The following MYOF variants were observed in gnomAD, a reference collection of about 807,000 sequenced individuals.
MYOF encodes fer-1-like 3, myoferlin.
Under a neutral mutation model 284.2 loss-of-function variants are expected in MYOF, and 244 were observed. The observed-to-expected ratio is 0.86, with a 90% confidence interval of 0.77 to 0.95. The LOEUF (loss-of-function observed/expected upper bound fraction) is 0.95, where lower values mean the gene tolerates loss of function less well. Ranked by LOEUF, MYOF falls within the 40% of genes least tolerant of loss-of-function variation. The probability of loss-of-function intolerance (pLI) is 0.00; values close to 1 mark genes in which losing one functional copy is unlikely to be tolerated. For synonymous variants in MYOF, 904 were observed against 919.7 expected (o/e 0.98, Z 0.31); for missense variants, 2,496 against 2,560.6 (o/e 0.97, Z 0.54).
chr10:93,393,139 A>G (rs573785987), intron 16 of MYOF, among the ~76,000 whole-genome samples, 184 bp from the exon 17 acceptor site: 1 of 152,202 alleles, frequency 6.6e-6, no homozygotes, highest in Non-Finnish European at 1.5e-5. Context: ...GTTAAATGCA[A>G]AATGACCCGG....
In MYOF at chr10:93,456,793, C is replaced by T. The variant is rs139467404; in HGVS notation, c.144+89G>A. On this transcript the variant is annotated intron_variant, in intron 2 of 53. Transcript: ENST00000359263. ...GGGTGAAATGTAGAGATTCTCCTTCCGAAGGGAAGAGGTAACCTCTCACCC... is the reference window on the plus strand; with the variant it reads ...GGGTGAAATGTAGAGATTCTCCTTCTGAAGGGAAGAGGTAACCTCTCACCC... 151 of 955,004 alleles carry T rather than the reference C, an allele frequency of 1.6e-4. No individual in the cohort carries two copies. In the African/African-American group the frequency reaches 2.0e-3, roughly 13 times the overall value. 59.2% of individuals were successfully genotyped at this position (955,004 alleles called of 1,614,324 possible).
chr10:93,386,381 C>A (rs1846366073), intron 19 of MYOF, among the ~76,000 whole-genome samples: 1 of 152,154 alleles, frequency 6.6e-6, no homozygotes, highest in Admixed American at 6.5e-5. Context: ...ATGACCAGGA[C>A]CTTATTGACT....
At chr10:93,307,814 A>G (rs975678454) in intron 53 of MYOF, among the ~76,000 whole-genome samples, 1 of 150,126 alleles carries the variant, frequency 6.7e-6, no homozygotes, top group African/African-American at 2.4e-5. Context: ...TAGTAGAGAC[A>G]GGGTTTCACC....
intron 7 of MYOF, among the ~76,000 whole-genome samples, chr10:93,407,903 C>T (rs1173286038): frequency 6.6e-6 from 1 of 152,070 alleles, no homozygotes; most frequent in Non-Finnish European, 1.5e-5. Flanking sequence ...CAGAGACACC[C>T]TGCTAATTAG....
chr10:93,325,417 A>G (rs938764683), intron 46 of MYOF, among the ~76,000 whole-genome samples: 5 of 152,176 alleles, frequency 3.3e-5, no homozygotes, highest in African/African-American at 1.2e-4. Flanking sequence ...CAGTGGTCCC[A>G]TGGTGGGCAA....
At chr10:93,381,959 C>T (rs993683277) in intron 19 of MYOF, among the ~76,000 whole-genome samples, 1 of 152,172 alleles carries the variant, frequency 6.6e-6, no homozygotes, top group Admixed American at 6.5e-5. Context: ...ATCTCTTGAA[C>T]TCAGGAGGTA....
chr10:93,389,161 G>C lies in MYOF; in HGVS notation c.1457-7C>G, dbSNP rs779175724. ...TCTGTTTCTCCTGTGTTTACTGAGA[G>C]AGAAACATCATCATGAGGTGTTAGG... On this transcript the variant is annotated splice_region_variant and splice_polypyrimidine_tract_variant and intron_variant, in intron 17 of 53. Coordinates refer to ENST00000359263, the MANE Select transcript of MYOF (RefSeq NM_013451.4). 1.2e-5 allele frequency: 20 copies of C among 1,611,920 alleles called. No homozygotes were observed. The Admixed American group carries it at 1.7e-4, about 14-fold the overall frequency.
chr10:93,416,232 C>G (rs1005532206), intron 5 of MYOF, among the ~76,000 whole-genome samples: 2 of 152,220 alleles, frequency 1.3e-5, no homozygotes, highest in African/African-American at 4.8e-5. Context: ...AAAGAAACTT[C>G]TCTCGGCCGG....
Position 93,404,092 on chromosome 10 carries a change from G to T in MYOF, c.793-19C>A. The T allele has an allele frequency of 6.2e-7, 1 of 1,614,082 alleles. No individual in the cohort carries two copies. The highest frequency in any genetic ancestry group is 1.3e-5 in the African/African-American group (1 of 75,050). On this transcript the variant is annotated intron_variant, in intron 8 of 53. Transcript: ENST00000359263. The stretch of plus-strand genomic sequence containing the variant: ...TATAAACCTGGAAGAAAGAAGAGTA[G>T]TGAAGAAATGATTGGCTTTGCCTGG...
At chr10:93,337,990 T>C (rs1843698647) in intron 39 of MYOF, 77 bp from the exon 40 acceptor site, 10 of 1,073,698 alleles carry the variant, frequency 9.3e-6, no homozygotes, top group Admixed American at 1.8e-5. Context: ...GCATTTGTAA[T>C]AGTTAAGAAG....
At chr10:93,363,516 A>G (rs1845174766) in intron 27 of MYOF, among the ~76,000 whole-genome samples, 1 of 152,180 alleles carries the variant, frequency 6.6e-6, no homozygotes, top group Non-Finnish European at 1.5e-5. Flanking sequence ...AAAATAAAAA[A>G]TTAGTCCAGC....
chr10:93,427,850 CAG>C (rs149229746), intron 4 of MYOF, among the ~76,000 whole-genome samples: 19,948 of 151,992 alleles, frequency 0.13, 1,451 homozygotes, highest in Middle Eastern at 0.2. Flanking sequence ...TATTTTAGGG[CAG>C]AGTTTGCTGT....
chr10:93,383,501 A>G (rs1173874730), intron 19 of MYOF, among the ~76,000 whole-genome samples: 1 of 152,120 alleles, frequency 6.6e-6, no homozygotes, highest in Non-Finnish European at 1.5e-5. Context: ...TGTCACCTTG[A>G]TAAGGGAGGA....
At chr10:93,320,845 C>T (rs1206190971) in intron 48 of MYOF, among the ~76,000 whole-genome samples, 2 of 151,996 alleles carry the variant, frequency 1.3e-5, no homozygotes, top group East Asian at 1.9e-4. Flanking sequence ...CGACTGGGGA[C>T]GTTTTAAAAA....
intron 3 of MYOF, among the ~76,000 whole-genome samples, chr10:93,440,494 TC>T (rs1458460615): frequency 1.3e-5 from 2 of 152,182 alleles, no homozygotes; most frequent in African/African-American, 4.8e-5. Context: ...TGCTGTTTTC[TC>T]TCCTTTACCT....
Position 93,414,144 on chromosome 10 carries a change from G to A in MYOF, c.434-4405C>T, listed in dbSNP as rs940828748. On this transcript the variant is annotated intron_variant, in intron 5 of 53. Transcript: ENST00000359263. ...TGTCTCTTCCTAGCCAGTGGCTCCC[G>A]GCAATCCTGAGCATGCCCTGCCTGT... Among the ~76,000 whole-genome samples, 15 of 152,194 alleles carry A rather than the reference G, an allele frequency of 9.9e-5. No homozygotes were observed. In the East Asian group the frequency reaches 1.6e-3, roughly 16 times the overall value.
chr10:93,332,230 T>A (rs1843340033), intron 43 of MYOF, among the ~76,000 whole-genome samples: 2 of 150,050 alleles, frequency 1.3e-5, no homozygotes, highest in African/African-American at 5.0e-5. Flanking sequence ...TCTTTTATTT[T>A]TTTTTTTTGG....
chr10:93,426,242 G>T lies in MYOF; in HGVS notation c.346-84C>A, dbSNP rs988940965. 5.0e-6 allele frequency: 7 copies of T among 1,389,500 alleles called. No individual in the cohort carries two copies. In the East Asian group the frequency reaches 1.0e-4, roughly 20 times the overall value. The allele number at this position is 1,389,500 out of a possible 1,614,324, so 86.1% of individuals were successfully genotyped here. On this transcript the variant is annotated intron_variant, in intron 4 of 53. Transcript: ENST00000359263. ...CTCAATGCAAGTGACTTCAGCAGGA[G>T]CCAAAGTCTTGGAAGGGGTAAGAGA...
intron 3 of MYOF, among the ~76,000 whole-genome samples, chr10:93,438,496 C>A (rs1299660523): frequency 2.0e-5 from 3 of 152,182 alleles, no homozygotes; most frequent in Non-Finnish European, 2.9e-5. Flanking sequence ...GCCTCCGCAT[C>A]GTCTCCCAAA....
Sources: gnomAD v4.1 joint callset for allele counts (sites outside exome capture counted in the v4.1 genomes callset) on GRCh38, gnomAD v4.1.1 for gene constraint, MANE v1.5 for transcripts, NCBI Gene and HGNC (gene_info 2026-07-23, HGNC 2026-07-21) for gene names.